The following CDCP1 variants were observed in gnomAD, a reference collection of about 807,000 sequenced individuals.
CDCP1 encodes CUB domain containing protein 1.
A neutral mutation model predicts 60.2 loss-of-function variants in CDCP1; 29 were observed. The observed-to-expected ratio is 0.48, with a 90% CI of 0.36 to 0.66. CDCP1 has a LOEUF of 0.66. Among genes scored for constraint, CDCP1 ranks in the 30% least tolerant of loss-of-function variants. CDCP1 has a pLI of 0.00. For synonymous variants in CDCP1, 387 were observed against 431.1 expected (o/e 0.90, Z 1.27); for missense variants, 876 against 1,074.3 (o/e 0.82, Z 2.58).
At chr3:45,087,594 G>T (rs1408791950) in intron 8 of CDCP1, among the ~76,000 whole-genome samples, 1 of 152,100 alleles carries the variant, frequency 6.6e-6, no homozygotes, top group Admixed American at 6.5e-5. Flanking sequence ...TGTGTTATAG[G>T]TACAGCCACT....
chr3:45,087,851 C>T (rs1027765280), intron 8 of CDCP1, among the ~76,000 whole-genome samples: 3 of 151,974 alleles, frequency 2.0e-5, no homozygotes, highest in African/African-American at 4.8e-5. Context: ...AACCCTGTGT[C>T]TACTAAAAAT....
rs1482942421 is a variant in CDCP1, at chr3:45,091,953, C to T, written c.1628-415G>A. ...GGACTACAGGCATGAGCCACCATGA[C>T]CGGCTAATTTTTTGTATTTTTAGTA... On this transcript the variant is annotated intron_variant, in intron 6 of 8. Transcript: ENST00000296129. The surrounding 1 kb of genome is among the most constrained non-coding windows in gnomAD (Gnocchi z 4.8). 2.4e-4 allele frequency among the ~76,000 whole-genome samples: 37 copies of T among 152,128 alleles called. No homozygotes were observed. The highest frequency in any genetic ancestry group is 2.4e-3 in the Admixed American group (37 of 15,264).
At chr3:45,089,427 G>A (rs1437862561) in intron 7 of CDCP1, among the ~76,000 whole-genome samples, 1 of 152,194 alleles carries the variant, frequency 6.6e-6, no homozygotes, top group Non-Finnish European at 1.5e-5. Context: ...TATGTAAGAA[G>A]TCTGACTATG....
chr3:45,108,772 C>T (rs13094918), intron 4 of CDCP1, among the ~76,000 whole-genome samples: 10 of 36,592 alleles, frequency 2.7e-4, no homozygotes, highest in Non-Finnish European at 4.2e-4. Context: ...TATATATATG[C>T]ATGTATACAT....
chr3:45,130,056 C>A (rs547566124), intron 1 of CDCP1, among the ~76,000 whole-genome samples: 1 of 152,064 alleles, frequency 6.6e-6, no homozygotes, highest in East Asian at 1.9e-4. Context: ...CAATATGACA[C>A]ACACACACAC....
At chr3:45,143,944 G>T (rs1699338430) in intron 1 of CDCP1, among the ~76,000 whole-genome samples, 1 of 152,166 alleles carries the variant, frequency 6.6e-6, no homozygotes, top group Admixed American at 6.5e-5. Context: ...CTCACCCAGG[G>T]AGTGTGAATA....
chr3:45,087,772 C>CA (rs1698220602), intron 8 of CDCP1, among the ~76,000 whole-genome samples: 1 of 152,144 alleles, frequency 6.6e-6, no homozygotes, highest in South Asian at 2.1e-4. Context: ...GTAATCTCAG[C>CA]ACTTTGGGAG....
chr3:45,140,429 A>G (rs1305170172), intron 1 of CDCP1, among the ~76,000 whole-genome samples: 1 of 152,262 alleles, frequency 6.6e-6, no homozygotes, highest in Non-Finnish European at 1.5e-5. Flanking sequence ...ATCTGTGCTC[A>G]GGGAACAGTT....
At chr3:45,130,250 T>G (rs60738837) in intron 1 of CDCP1, among the ~76,000 whole-genome samples, 1 of 151,886 alleles carries the variant, frequency 6.6e-6, no homozygotes, top group Non-Finnish European at 1.5e-5. Context: ...GTCTCCTGGA[T>G]AGCTGGGACC....
At chr3:45,132,709 T>C (rs1426447709) in intron 1 of CDCP1, among the ~76,000 whole-genome samples, 1 of 152,222 alleles carries the variant, frequency 6.6e-6, no homozygotes, top group Non-Finnish European at 1.5e-5. Flanking sequence ...GCAGAGCTTT[T>C]ACAAGCATTG....
intron 5 of CDCP1, among the ~76,000 whole-genome samples, 160 bp downstream of exon 5, chr3:45,095,187 G>A (rs1048030335): frequency 6.6e-6 from 1 of 152,150 alleles, no homozygotes; most frequent in Non-Finnish European, 1.5e-5. Flanking sequence ...ACCAGCCTTG[G>A]CCTCCCAAAG....
In CDCP1 at chr3:45,134,319, T is replaced by C. The variant is rs574229563; in HGVS notation, c.82+11887A>G. On this transcript the variant is annotated intron_variant, in intron 1 of 8. Coordinates refer to ENST00000296129, the MANE Select transcript of CDCP1 (RefSeq NM_022842.5). ...TTTTGTATTTTTAGTAGAGACGGGG[T>C]TTCACCGTGTTAGCCAGGATGGTCT... 2.0e-5 allele frequency among the ~76,000 whole-genome samples: 3 copies of C among 152,232 alleles called. No individual in the cohort carries two copies. In the South Asian group the frequency reaches 6.2e-4, roughly 32 times the overall value.
chr3:45,120,370 T>C (rs4431152), intron 1 of CDCP1, among the ~76,000 whole-genome samples: 147,725 of 152,268 alleles, frequency 0.97, 71,729 homozygotes, highest in Non-Finnish European at 0.99. Context: ...GTAAATATTT[T>C]CCCCAGTTTA....
rs1242479831 is a variant in CDCP1, at chr3:45,085,835, A to G, written c.2314T>C (p.Cys772Arg). 1 of 1,614,188 alleles carries G rather than the reference A, an allele frequency of 6.2e-7. No homozygotes were observed. Among genetic ancestry groups the G allele is most frequent in the East Asian group, 2.2e-5 (1 of 44,878 alleles). The part of the protein sequence containing the change: ...YRPFQGTMGV[C>R]PPSPPTICSR... ...CATATGGTGGGTGGGGAGGGAGGAC[A>G]GACCCCCATGGTGCCCTGGAACGGC... Residue 772 changes from cysteine (C) to arginine (R), a missense_variant, in exon 9 of 9, where the codon TGT becomes CGT. Transcript: ENST00000296129. The surrounding 1 kb of genome is among the most constrained non-coding windows in gnomAD (Gnocchi z 4.2).
chr3:45,112,746 G>GC (rs1698722041), intron 2 of CDCP1, among the ~76,000 whole-genome samples: 1 of 152,204 alleles, frequency 6.6e-6, no homozygotes, highest in Non-Finnish European at 1.5e-5. Flanking sequence ...GCCAATAATG[G>GC]CCTCCTGCAG....
intron 1 of CDCP1, among the ~76,000 whole-genome samples, chr3:45,125,461 T>C (rs1698961783): frequency 6.6e-6 from 1 of 152,244 alleles, no homozygotes; most frequent in Admixed American, 6.5e-5. Context: ...CTCACTTTCC[T>C]CATCTGCAAA....
intron 1 of CDCP1, among the ~76,000 whole-genome samples, chr3:45,128,694 G>A (rs1305915326): frequency 6.6e-6 from 1 of 152,220 alleles, no homozygotes; most frequent in Non-Finnish European, 1.5e-5. Context: ...AAAATGATAT[G>A]TGATGATGCA....
At chr3:45,093,158 C>T (rs2125990403) in intron 6 of CDCP1, 119 bp downstream of exon 6, 1 of 1,138,496 alleles carries the variant, frequency 8.8e-7, no homozygotes, top group Non-Finnish European at 1.2e-6. Flanking sequence ...TGTGCAAGGA[C>T]CAGCATATTG....
At chr3:45,096,590 A>ACCCTAGC (rs1409242391) in intron 4 of CDCP1, among the ~76,000 whole-genome samples, 2 of 125,150 alleles carry the variant, frequency 1.6e-5, no homozygotes, top group East Asian at 2.9e-4. Flanking sequence ...GTACCACTGC[A>ACCCTAGC]CCCTAGCCTA....
Sources: allele counts gnomAD v4.1 joint callset (sites outside exome capture counted in the v4.1 genomes callset), GRCh38; gene constraint gnomAD v4.1.1; non-coding constraint Gnocchi (gnomAD v3.1); transcripts MANE v1.5; gene names NCBI Gene and HGNC (gene_info 2026-07-23, HGNC 2026-07-21).